Variants in DCC observed in about 807,000 individuals in gnomAD.
The protein encoded by DCC is netrin receptor DCC.
A neutral mutation model predicts 172.5 loss-of-function variants in DCC; 58 were observed. The ratio of observed to expected loss-of-function variants is 0.34; its 90% CI spans 0.27 to 0.42. The LOEUF is 0.42. Among genes scored for constraint, DCC ranks in the 10% least tolerant of loss-of-function variants. DCC has a pLI of 1.00. For missense variants in DCC, 1,740 were observed against 1,791.0 expected (o/e 0.97, Z 0.51); for synonymous variants, 709 against 644.5 (o/e 1.10, Z -1.52).
At chr18:53,239,009 AC>A (rs2056246342) in intron 12 of DCC, among the ~76,000 whole-genome samples, 1 of 134,620 alleles carries the variant, frequency 7.4e-6, no homozygotes, top group South Asian at 2.7e-4. Context: ...ACACCTGGAC[AC>A]AGGAAGGGGG....
Position 53,135,817 on chromosome 18 carries a change from T to C in DCC, c.1262-21539T>C, listed in dbSNP as rs182486109. Reference sequence around the variant, plus strand: ...AATCACCCTCAATCTACAAGCCACATTTTTGCACTATTTTTCTACTTGACT... The same window carrying C: ...AATCACCCTCAATCTACAAGCCACACTTTTGCACTATTTTTCTACTTGACT... On this transcript the variant is annotated intron_variant, in intron 7 of 28. Coordinates refer to ENST00000442544, the MANE Select transcript of DCC (RefSeq NM_005215.4). Among the ~76,000 whole-genome samples, 81 of 152,266 alleles carry C rather than the reference T, an allele frequency of 5.3e-4. 1 individual carries two copies. Among genetic ancestry groups the C allele is most frequent in the African/African-American group, 1.9e-3 (81 of 41,540 alleles).
At chr18:52,563,720 C>G (rs185722107) in intron 1 of DCC, among the ~76,000 whole-genome samples, 9 of 152,266 alleles carry the variant, frequency 5.9e-5, no homozygotes, top group Non-Finnish European at 1.3e-4. Context: ...AGATTTTTCC[C>G]TGGAACTATA....
chr18:53,515,363 G>T (rs1439608107), intron 27 of DCC, among the ~76,000 whole-genome samples: 1 of 150,606 alleles, frequency 6.6e-6, no homozygotes, highest in Non-Finnish European at 1.5e-5. Context: ...GCAAAAACTG[G>T]AAGCATTCCC....
At chr18:52,814,031 A>G (rs1381929524) in intron 2 of DCC, among the ~76,000 whole-genome samples, 1 of 152,210 alleles carries the variant, frequency 6.6e-6, no homozygotes, top group African/African-American at 2.4e-5. Context: ...TTACAATAGC[A>G]TGAATGAATT....
intron 2 of DCC, among the ~76,000 whole-genome samples, chr18:52,770,503 A>C (rs2037323201): frequency 6.6e-6 from 1 of 152,204 alleles, no homozygotes; most frequent in African/African-American, 2.4e-5. Context: ...TCCTCACTAG[A>C]GTGAAGGCTT....
intron 1 of DCC, among the ~76,000 whole-genome samples, chr18:52,467,087 G>A (rs1373230425): frequency 1.3e-5 from 2 of 151,858 alleles, no homozygotes; most frequent in Non-Finnish European, 2.9e-5. Flanking sequence ...TGGGATACAT[G>A]TGCGGAATGT....
rs559030602 is a variant in DCC, at chr18:52,679,610, T to G, written c.92-72444T>G. Among the ~76,000 whole-genome samples the G allele has an allele frequency of 2.3e-4, 35 of 152,252 alleles. 1 individual carries two copies. Among genetic ancestry groups the G allele is most frequent in the African/African-American group, 8.2e-4 (34 of 41,566 alleles). Reference sequence around the variant, plus strand: ...AGAACCCTCCGCAGGAGAAAAGTCCTCTGAATTTCCTTGCATTTTTGCTGA... The same window carrying G: ...AGAACCCTCCGCAGGAGAAAAGTCCGCTGAATTTCCTTGCATTTTTGCTGA... On this transcript the variant is annotated intron_variant, in intron 1 of 28. Coordinates refer to ENST00000442544, the MANE Select transcript of DCC (RefSeq NM_005215.4).
At chr18:53,325,054 G>A (rs371418082) in intron 14 of DCC, among the ~76,000 whole-genome samples, 3 of 151,870 alleles carry the variant, frequency 2.0e-5, no homozygotes, top group Non-Finnish European at 2.9e-5. Flanking sequence ...TTAGCTGGGC[G>A]TGGTGGTGCA....
chr18:52,850,801 A>G (rs2038963834), intron 2 of DCC, among the ~76,000 whole-genome samples: 1 of 152,124 alleles, frequency 6.6e-6, no homozygotes, highest in Non-Finnish European at 1.5e-5. Flanking sequence ...AAGAAAATGT[A>G]AAATCATATT....
intron 15 of DCC, among the ~76,000 whole-genome samples, chr18:53,367,977 A>G (rs925605384): frequency 6.6e-6 from 1 of 152,138 alleles, no homozygotes; most frequent in Non-Finnish European, 1.5e-5. Flanking sequence ...TGGTAATTCT[A>G]TTTTTAATTG....
At chr18:52,856,709 A>G (rs1422215209) in intron 2 of DCC, among the ~76,000 whole-genome samples, 1 of 152,016 alleles carries the variant, frequency 6.6e-6, no homozygotes, top group Non-Finnish European at 1.5e-5. Flanking sequence ...TGTTAGTCAT[A>G]ATGGAATCTT....
chr18:53,195,787 C>A (rs187116466), intron 9 of DCC, among the ~76,000 whole-genome samples: 11 of 152,270 alleles, frequency 7.2e-5, no homozygotes, highest in Admixed American at 3.3e-4. Context: ...CGTTATCATC[C>A]CAGATTCCTA....
chr18:53,394,659 A>G, intron 17 of DCC, among the ~76,000 whole-genome samples: 1 of 152,128 alleles, frequency 6.6e-6, no homozygotes, highest in Non-Finnish European at 1.5e-5. Flanking sequence ...ACTGCATGCA[A>G]CTCAATGGGA....
At chr18:52,670,071 A>T (rs926935828) in intron 1 of DCC, among the ~76,000 whole-genome samples, 3 of 152,178 alleles carry the variant, frequency 2.0e-5, no homozygotes, top group Admixed American at 1.3e-4. Flanking sequence ...ATTGCACTTG[A>T]TGTGTTCTTC....
At chr18:53,439,070 G>A (rs1351157997) in intron 22 of DCC, among the ~76,000 whole-genome samples, 1 of 152,192 alleles carries the variant, frequency 6.6e-6, no homozygotes, top group African/African-American at 2.4e-5. Flanking sequence ...AATTATTTCA[G>A]GCTGTCTGGC....
chr18:52,504,844 G>A (rs915631269), intron 1 of DCC, among the ~76,000 whole-genome samples: 2 of 151,686 alleles, frequency 1.3e-5, no homozygotes, highest in African/African-American at 2.4e-5. Flanking sequence ...TAAATCCCAC[G>A]CACTGTCTAC....
At chr18:53,024,041 ACT>A (rs1343061389) in intron 5 of DCC, among the ~76,000 whole-genome samples, 5 of 152,280 alleles carry the variant, frequency 3.3e-5, no homozygotes, top group Admixed American at 3.3e-4. Flanking sequence ...AGAATCAACA[ACT>A]CTATAACTTG....
intron 1 of DCC, among the ~76,000 whole-genome samples, chr18:52,537,024 G>C (rs1283342505): frequency 6.6e-6 from 1 of 152,080 alleles, no homozygotes; most frequent in African/African-American, 2.4e-5. Context: ...GAGAGTGCAG[G>C]GAGCTAGTGC....
intron 3 of DCC, among the ~76,000 whole-genome samples, chr18:52,914,066 G>A (rs2040006728): frequency 6.6e-6 from 1 of 152,042 alleles, no homozygotes; most frequent in Non-Finnish European, 1.5e-5. Flanking sequence ...CAAACCCATT[G>A]CTTTTCTGGA....
Sources: allele counts gnomAD v4.1 joint callset (sites outside exome capture counted in the v4.1 genomes callset), GRCh38; gene constraint gnomAD v4.1.1; transcripts MANE v1.5; gene names NCBI Gene and HGNC (gene_info 2026-07-23, HGNC 2026-07-21).